The following KIF13A variants were observed in gnomAD, a reference collection of about 807,000 sequenced individuals.
KIF13A encodes the protein kinesin family member 13A.
Under a neutral mutation model 212.2 loss-of-function variants are expected in KIF13A, and 79 were observed. The ratio of observed to expected loss-of-function variants is 0.37; its 90% CI spans 0.31 to 0.45. The LOEUF (loss-of-function observed/expected upper bound fraction) is 0.45, where lower values mean the gene tolerates loss of function less well. Among genes scored for constraint, KIF13A ranks in the 20% least tolerant of loss-of-function variants. The pLI, the probability that KIF13A is intolerant of heterozygous loss-of-function variation, is 1.00. For synonymous variants in KIF13A, 789 were observed against 808.6 expected (o/e 0.98, Z 0.41); for missense variants, 1,901 against 2,209.0 (o/e 0.86, Z 2.79).
chr6:17,805,418 G>C, intron 19 of KIF13A, 57 bp downstream of exon 19: 1 of 1,161,562 alleles, frequency 8.6e-7, no homozygotes, highest in Non-Finnish European at 1.2e-6. Flanking sequence ...TTGCTAAATC[G>C]CTTATATTCT....
rs548190586 is a variant in KIF13A, at chr6:17,961,865, G to A, written c.146+25189C>T. On this transcript the variant is annotated intron_variant, in intron 2 of 38. Coordinates refer to ENST00000259711, the MANE Select transcript of KIF13A (RefSeq NM_022113.6). The surrounding 1 kb of genome is among the most constrained non-coding windows in gnomAD (Gnocchi z 4.1). The stretch of plus-strand genomic sequence containing the variant: ...CCTGTGTTCCTCTGTATTCTAGGGT[G>A]CTTAGTGTTTGGTTGGCAACATTGT... Among the ~76,000 whole-genome samples, 26 of 152,272 alleles carry A rather than the reference G, an allele frequency of 1.7e-4. No individual in the cohort carries two copies. The highest frequency in any genetic ancestry group is 5.8e-4 in the African/African-American group (24 of 41,542).
At chr6:17,832,384 G>C (rs1237330987) in intron 12 of KIF13A, among the ~76,000 whole-genome samples, 1 of 152,080 alleles carries the variant, frequency 6.6e-6, no homozygotes, top group Non-Finnish European at 1.5e-5. Flanking sequence ...CTGTCAATTA[G>C]GTAGCCTCTT....
intron 2 of KIF13A, among the ~76,000 whole-genome samples, chr6:17,962,028 C>T (rs1427648372): frequency 1.3e-5 from 2 of 152,066 alleles, no homozygotes; most frequent in Non-Finnish European, 2.9e-5. Flanking sequence ...TTTAGGTGCA[C>T]TGAAAATATG....
rs1405563374 is a variant in KIF13A, at chr6:17,777,879, T to C, written c.4093-525A>G. ...TAAAACTGCAGGGTGTGGTGGTTCA[T>C]GTCTATAATCCCAGCACTCTGGGAG... On this transcript the variant is annotated intron_variant, in intron 33 of 38. Coordinates refer to ENST00000259711, the MANE Select transcript of KIF13A (RefSeq NM_022113.6). This position sits in a 1 kb window ranked among gnomAD's most constrained non-coding sequence, Gnocchi z 4.4. Among the ~76,000 whole-genome samples the C allele has an allele frequency of 6.6e-6, 1 of 152,140 alleles. No homozygotes were observed. Among genetic ancestry groups the C allele is most frequent in the Non-Finnish European group, 1.5e-5 (1 of 68,032 alleles).
Position 17,764,555 on chromosome 6 carries a change from C to G in KIF13A, c.4973G>C (p.Gly1658Ala), listed in dbSNP as rs374013859. 100 of 1,613,946 alleles carry G rather than the reference C, an allele frequency of 6.2e-5. No homozygotes were observed. The highest frequency in any genetic ancestry group is 3.3e-4 in the Middle Eastern group (2 of 6,062). The change falls in exon 39 of 39, where the codon GGC (glycine) becomes GCC (alanine). Residue 1658 changes from glycine (G) to alanine (A), a missense_variant. Coordinates refer to ENST00000259711, the MANE Select transcript of KIF13A (RefSeq NM_022113.6). The surrounding 1 kb of genome is among the most constrained non-coding windows in gnomAD (Gnocchi z 5.1). ...SNKELTEVEK[G>A]LVKDKIIVVP... ...CACAATTATCTTGTCCTTTACCAAG[C>G]CTTTTTCGACTTCTGTCAACTCTTT...
chr6:17,905,031 G>A (rs1561744535), intron 2 of KIF13A, among the ~76,000 whole-genome samples: 2 of 152,174 alleles, frequency 1.3e-5, no homozygotes, highest in South Asian at 2.1e-4. Context: ...TGCCCAACCC[G>A]TGGCCTACGG....
intron 30 of KIF13A, 79 bp downstream of exon 30, chr6:17,781,098 C>T (rs1760531164): frequency 6.4e-7 from 1 of 1,563,296 alleles, no homozygotes. Flanking sequence ...CAAAGCAAAC[C>T]ATAGCAGTTT....
chr6:17,824,634 G>A (rs139998818), intron 16 of KIF13A, among the ~76,000 whole-genome samples: 3,860 of 151,946 alleles, frequency 0.025, 72 homozygotes, highest in Non-Finnish European at 0.04. Context: ...GGTCACGGGC[G>A]CCTGTGGTCC....
chr6:17,909,059 T>C (rs1773788604), intron 2 of KIF13A, among the ~76,000 whole-genome samples: 1 of 152,202 alleles, frequency 6.6e-6, no homozygotes, highest in African/African-American at 2.4e-5. Context: ...CTGTACATCA[T>C]TAGCATGCAG....
intron 22 of KIF13A, among the ~76,000 whole-genome samples, chr6:17,798,719 G>T (rs1762240460): frequency 6.6e-6 from 1 of 152,170 alleles, no homozygotes; most frequent in African/African-American, 2.4e-5. Context: ...TCTCAAAGGA[G>T]ATCCAACCAC....
At chr6:17,819,279 G>A (rs1562014106) in intron 16 of KIF13A, among the ~76,000 whole-genome samples, 1 of 152,166 alleles carries the variant, frequency 6.6e-6, no homozygotes, top group Non-Finnish European at 1.5e-5. Flanking sequence ...AAAATAAACT[G>A]GGGGCCAGGC....
rs1763185670 is a variant in KIF13A, at chr6:17,808,717, A to G, written c.2163+51T>C. ...GGGTTTCAGTTTTAGATCCTATTTT[A>G]CAATATTTACTATTGTGCATCTTGC... On this transcript the variant is annotated intron_variant, in intron 18 of 38. Coordinates refer to ENST00000259711, the MANE Select transcript of KIF13A (RefSeq NM_022113.6). 6.5e-6 allele frequency: 10 copies of G among 1,527,976 alleles called. No homozygotes were observed. The South Asian group carries it at 1.1e-4, about 17-fold the overall frequency. The allele number at this position is 1,527,976 out of a possible 1,614,324, so 94.7% of individuals were successfully genotyped here.
At chr6:17,808,988 C>G in intron 17 of KIF13A, 58 bp from the exon 18 acceptor site, 1 of 1,435,762 alleles carries the variant, frequency 7.0e-7, no homozygotes, top group South Asian at 1.4e-5. Context: ...AATCCCGTTT[C>G]TAAGTGAGCA....
In KIF13A at chr6:17,787,883, C is replaced by A. The variant is rs750119852; in HGVS notation, c.3262-8G>T. 49 of 1,531,740 alleles carry A rather than the reference C, an allele frequency of 3.2e-5. No homozygotes were observed. The highest frequency in any genetic ancestry group is 4.3e-5 in the Non-Finnish European group (48 of 1,105,610). 94.9% of individuals were successfully genotyped at this position (1,531,740 alleles called of 1,614,324 possible). On this transcript the variant is annotated splice_polypyrimidine_tract_variant and splice_region_variant and intron_variant, in intron 26 of 38. Coordinates refer to ENST00000259711, the MANE Select transcript of KIF13A (RefSeq NM_022113.6). The surrounding 1 kb of genome is among the most constrained non-coding windows in gnomAD (Gnocchi z 4.6). ...GCAGTTTAAGTCTTCTTCCTAACAT[C>A]AGGGAGGGAAAATATTTTCCTGTAG... is the stretch of plus-strand genomic sequence containing the variant.
chr6:17,986,499 G>A (rs1448611496), intron 2 of KIF13A, among the ~76,000 whole-genome samples: 2 of 151,804 alleles, frequency 1.3e-5, no homozygotes, highest in Admixed American at 1.3e-4. Flanking sequence ...ATTACATTGA[G>A]GCATTATCTC....
Position 17,951,926 on chromosome 6 carries a change from C to G in KIF13A, c.146+35128G>C, listed in dbSNP as rs1042535839. 6.6e-6 allele frequency among the ~76,000 whole-genome samples: 1 copy of G among 152,064 alleles called. No homozygotes were observed. The highest frequency in any genetic ancestry group is 1.5e-5 in the Non-Finnish European group (1 of 68,022). On this transcript the variant is annotated intron_variant, in intron 2 of 38. Coordinates refer to ENST00000259711, the MANE Select transcript of KIF13A (RefSeq NM_022113.6). The surrounding 1 kb of genome is among the most constrained non-coding windows in gnomAD (Gnocchi z 4.9). ...TTTTTTGTAGCCTTCCAAAAAATAC[C>G]TTTATTTACAATTTTTGTAGAAGCA... is the stretch of plus-strand genomic sequence containing the variant.
intron 3 of KIF13A, among the ~76,000 whole-genome samples, chr6:17,880,582 C>T (rs537226991): frequency 1.8e-3 from 261 of 144,670 alleles, no homozygotes; most frequent in Non-Finnish European, 3.2e-3. Context: ...GAGCCAAGAT[C>T]GCACCATTGC....
downstream of KIF13A, among the ~76,000 whole-genome samples, chr6:17,761,777 C>T (rs1157624899): frequency 6.6e-6 from 1 of 152,108 alleles, no homozygotes. Flanking sequence ...TTGGGAGGAA[C>T]GTACTATTCT....
chr6:17,880,391 C>T (rs1770946138), intron 3 of KIF13A, among the ~76,000 whole-genome samples: 1 of 152,052 alleles, frequency 6.6e-6, no homozygotes, highest in Non-Finnish European at 1.5e-5. Context: ...CTTTGGGAGG[C>T]CAAGGCGGGC....
Sources: allele counts gnomAD v4.1 joint callset (sites outside exome capture counted in the v4.1 genomes callset), GRCh38; gene constraint gnomAD v4.1.1; non-coding constraint Gnocchi (gnomAD v3.1); transcripts MANE v1.5; gene names NCBI Gene and HGNC (gene_info 2026-07-23, HGNC 2026-07-21).